Variants in CFAP299 observed in about 807,000 individuals in gnomAD.
CFAP299 encodes the protein cilia- and flagella-associated protein 299.
A neutral mutation model predicts 27.0 loss-of-function variants in CFAP299; 21 were observed. The observed-to-expected ratio is 0.78, with a 90% CI of 0.55 to 1.12. The LOEUF is 1.12. Ranked by LOEUF, CFAP299 falls within the 50% of genes most tolerant of loss-of-function variation. The probability of loss-of-function intolerance (pLI) is 0.00; values close to 1 mark genes in which losing one functional copy is unlikely to be tolerated. For missense variants in CFAP299, 310 were observed against 276.6 expected (o/e 1.12, Z -0.86); for synonymous variants, 104 against 98.1 (o/e 1.06, Z -0.36).
intron 3 of CFAP299, among the ~76,000 whole-genome samples, chr4:80,869,467 CTGT>C (rs1011007306): frequency 6.6e-6 from 1 of 152,176 alleles, no homozygotes; most frequent in Non-Finnish European, 1.5e-5. Flanking sequence ...AATTGTATCT[CTGT>C]TGTTCTTTTC....
chr4:80,520,525 C>G (rs1183786081), intron 2 of CFAP299, among the ~76,000 whole-genome samples: 1 of 152,174 alleles, frequency 6.6e-6, no homozygotes, highest in Non-Finnish European at 1.5e-5. Flanking sequence ...AAGGTGCCAT[C>G]ATTAAACACT....
At chr4:80,553,917 C>T (rs1734659559) in intron 2 of CFAP299, among the ~76,000 whole-genome samples, 1 of 152,014 alleles carries the variant, frequency 6.6e-6, no homozygotes, top group Non-Finnish European at 1.5e-5. Flanking sequence ...ATAGTTTGCA[C>T]ATATTTTCTC....
intron 4 of CFAP299, among the ~76,000 whole-genome samples, chr4:80,910,492 A>G (rs1735412821): frequency 1.3e-5 from 2 of 152,200 alleles, no homozygotes; most frequent in South Asian, 4.1e-4. Flanking sequence ...CTATGTAGCC[A>G]TAAAAAAGAA....
At chr4:80,934,597 TC>T (rs1736792785) in intron 4 of CFAP299, among the ~76,000 whole-genome samples, 1 of 152,078 alleles carries the variant, frequency 6.6e-6, no homozygotes, top group Admixed American at 6.6e-5. Context: ...GTTTAGATTT[TC>T]TCTTTTTTCA....
At chr4:80,386,440 G>T in intron 2 of CFAP299, 1 of 1,543,130 alleles carries the variant, frequency 6.5e-7, no homozygotes, top group Non-Finnish European at 8.8e-7. Flanking sequence ...AGCGGGTCAG[G>T]CAAGGGGGTC....
intron 2 of CFAP299, among the ~76,000 whole-genome samples, chr4:80,575,975 G>A (rs1735832905): frequency 6.6e-6 from 1 of 151,614 alleles, no homozygotes; most frequent in Non-Finnish European, 1.5e-5. Flanking sequence ...TCATAGGTGG[G>A]AACTGAACAA....
At chr4:80,633,419 A>G (rs960292132) in intron 3 of CFAP299, among the ~76,000 whole-genome samples, 1 of 152,134 alleles carries the variant, frequency 6.6e-6, no homozygotes, top group Non-Finnish European at 1.5e-5. Flanking sequence ...ACGCCACTGC[A>G]ATCCAGCCTG....
intron 2 of CFAP299, among the ~76,000 whole-genome samples, chr4:80,475,921 C>T (rs1720399177): frequency 6.6e-6 from 1 of 152,110 alleles, no homozygotes; most frequent in Non-Finnish European, 1.5e-5. Flanking sequence ...TGAGTGAAAG[C>T]CAGGAGAATG....
Position 80,662,273 on chromosome 4 carries a change from C to T in CFAP299, c.333+79090C>T, listed in dbSNP as rs1015179313. 1.4e-4 allele frequency among the ~76,000 whole-genome samples: 22 copies of T among 152,088 alleles called. 1 individual carries two copies. Among genetic ancestry groups the T allele is most frequent in the Admixed American group, 9.2e-4 (14 of 15,246 alleles). ...GCTCAGGGGGCATCACAGAACCAGCCGACGTGTGATGTCTCCCCTGGACAC... is the reference window on the plus strand; with the variant it reads ...GCTCAGGGGGCATCACAGAACCAGCTGACGTGTGATGTCTCCCCTGGACAC... On this transcript the variant is annotated intron_variant, in intron 3 of 5. Transcript: ENST00000358105.
At chr4:80,427,100 A>G (rs1163689970) in intron 2 of CFAP299, among the ~76,000 whole-genome samples, 1 of 152,168 alleles carries the variant, frequency 6.6e-6, no homozygotes, top group Admixed American at 6.5e-5. Flanking sequence ...ACGGGATATC[A>G]CAAGCAAAAG....
At chr4:80,901,661 A>G (rs1734904991) in intron 4 of CFAP299, among the ~76,000 whole-genome samples, 1 of 152,100 alleles carries the variant, frequency 6.6e-6, no homozygotes, top group African/African-American at 2.4e-5. Flanking sequence ...GTCTAGAATA[A>G]CAGACTTCAA....
chr4:80,844,931 A>G (rs1251701359), intron 3 of CFAP299, among the ~76,000 whole-genome samples: 3 of 152,146 alleles, frequency 2.0e-5, no homozygotes, highest in Admixed American at 6.5e-5. Context: ...TAATTTTTGT[A>G]TAAGGTGTAA....
In CFAP299 at chr4:80,599,208, C is replaced by T. The variant is rs1737207680; in HGVS notation, c.333+16025C>T. 2.0e-5 allele frequency among the ~76,000 whole-genome samples: 3 copies of T among 152,156 alleles called. No homozygotes were observed. The South Asian group carries it at 6.2e-4, about 32-fold the overall frequency. On this transcript the variant is annotated intron_variant, in intron 3 of 5. Coordinates refer to ENST00000358105, the MANE Select transcript of CFAP299 (RefSeq NM_152770.3). Reference sequence around the variant, plus strand: ...TGAATTATGGATCTCTGTCCTCCCACCTGATATCTAATCTCTACGTCTGTC... The same window carrying T: ...TGAATTATGGATCTCTGTCCTCCCATCTGATATCTAATCTCTACGTCTGTC...
At chr4:80,847,328 C>G (rs1731240620) in intron 3 of CFAP299, among the ~76,000 whole-genome samples, 1 of 152,208 alleles carries the variant, frequency 6.6e-6, no homozygotes, top group Admixed American at 6.5e-5. Flanking sequence ...CGTAGACATA[C>G]AGCTGTCTAT....
the CFAP299 span, among the ~76,000 whole-genome samples, chr4:80,328,349 C>T: frequency 1.3e-5 from 2 of 152,006 alleles, no homozygotes; most frequent in African/African-American, 4.8e-5. Context: ...GAGAATGTGA[C>T]TAACAGCAGG....
intron 1 of CFAP299, among the ~76,000 whole-genome samples, chr4:80,349,895 A>C (rs1722935923): frequency 6.6e-6 from 1 of 152,192 alleles, no homozygotes; most frequent in Non-Finnish European, 1.5e-5. Flanking sequence ...AATTTAAGGA[A>C]AGTGTCATAA....
chr4:80,784,478 C>CTCTTTCTT (rs376395351), intron 3 of CFAP299, among the ~76,000 whole-genome samples: 2 of 151,600 alleles, frequency 1.3e-5, no homozygotes, highest in African/African-American at 4.8e-5. Flanking sequence ...ACTTCTTGGC[C>CTCTTTCTT]TCTTTCTTTC....
chr4:80,387,807 C>A, intron 2 of CFAP299: 2 of 1,576,428 alleles, frequency 1.3e-6, no homozygotes, highest in Non-Finnish European at 8.7e-7. Context: ...GTTTCTGAGC[C>A]TTTGGCTTCC....
intron 3 of CFAP299, among the ~76,000 whole-genome samples, chr4:80,629,334 T>C (rs1241890067): frequency 2.0e-5 from 3 of 152,030 alleles, no homozygotes; most frequent in Non-Finnish European, 4.4e-5. Flanking sequence ...GGGAGAGATG[T>C]TGGTCAAAGA....
Sources: allele counts gnomAD v4.1 joint callset (sites outside exome capture counted in the v4.1 genomes callset), GRCh38; gene constraint gnomAD v4.1.1; transcripts MANE v1.5; gene names NCBI Gene and HGNC (gene_info 2026-07-23, HGNC 2026-07-21).